KIF21B: variants seen among roughly 807,000 people sequenced by gnomAD.
The protein encoded by KIF21B is kinesin-like protein KIF21B.
Under a neutral mutation model 192.9 loss-of-function variants are expected in KIF21B, and 85 were observed. That is an observed-to-expected ratio of 0.44 (90% CI 0.37 to 0.53). The LOEUF (loss-of-function observed/expected upper bound fraction) is 0.53. KIF21B is among the 20% of genes least tolerant of loss of function. The probability of loss-of-function intolerance (pLI) is 0.00; values close to 1 mark genes in which losing one functional copy is unlikely to be tolerated. For synonymous variants in KIF21B, 832 were observed against 884.6 expected, an observed-to-expected ratio of 0.94 and a Z score of 1.05; for missense variants, 1,716 against 2,194.8, an observed-to-expected ratio of 0.78 and a Z score of 4.36.
At chr1:200,986,692 G>T in intron 26 of KIF21B, 152 bp downstream of exon 26, 1 of 664,388 alleles carries the variant, frequency 1.5e-6, no homozygotes. Flanking sequence ...GGGTGGGGAA[G>T]GGACCACTGG....
intron 34 of KIF21B, 166 bp from the exon 35 acceptor site, chr1:200,973,744 G>C (rs1655351658): frequency 6.8e-7 from 1 of 1,472,496 alleles, no homozygotes; most frequent in Non-Finnish European, 8.9e-7. Context: ...GTGGTGGGGT[G>C]CTGGGCAGAT....
At position 201,004,841 on chromosome 1, in the gene KIF21B, G is replaced by A. The variant is rs150186453; in HGVS notation, c.825C>T (p.Ala275=). Residue 275 remains alanine (A), a synonymous_variant, in exon 6 of 35, where the codon GCC becomes GCT. Transcript: ENST00000461742. ...CTGTCCGCTTCAGCCGCTCTGAGCCGGCCAGGTCCACAAAGTGAAACTTAG... is the reference window on the plus strand; with the variant it reads ...CTGTCCGCTTCAGCCGCTCTGAGCCAGCCAGGTCCACAAAGTGAAACTTAG... ...LTAKFHFVDL[A]GSERLKRTGA... is the part of the protein sequence containing the mutation. 51 of 1,613,952 alleles carry A rather than the reference G, an allele frequency of 3.2e-5. No individual in the cohort carries two copies. Among genetic ancestry groups the A allele is most frequent in the Middle Eastern group, 1.6e-4 (1 of 6,072 alleles).
rs766022751 is a variant in KIF21B at position 200,986,909 on chromosome 1, T to C, written c.3624A>G (p.Gln1208=). The C allele has an allele frequency of 2.5e-6, 4 of 1,613,870 alleles. No individual in the cohort carries two copies. Among genetic ancestry groups the C allele is most frequent in the Non-Finnish European group, 2.5e-6 (3 of 1,179,858 alleles). The change falls in exon 26 of 35, where the codon CAA becomes CAG. Residue 1208 remains glutamine (Q), a synonymous_variant. Coordinates refer to ENST00000461742, the MANE Select transcript of KIF21B (RefSeq NM_001252102.2). The part of the protein sequence containing the change: ...LPTRGSTFPR[Q]SRATETSPLT... Reference sequence around the variant, plus strand: ...GCGGGGACGTCTCTGTGGCTCGAGATTGCCTAGGGCTACAACAGAAGAGTC... The same window carrying C: ...GCGGGGACGTCTCTGTGGCTCGAGACTGCCTAGGGCTACAACAGAAGAGTC...
chr1:201,002,405 G>A, intron 8 of KIF21B, 55 bp from the exon 9 acceptor site: 3 of 1,527,650 alleles, frequency 2.0e-6, no homozygotes, highest in Non-Finnish European at 2.7e-6. Context: ...GGTTGGGGGG[G>A]TAAGGGGCTG....
rs1655157877 is a variant in KIF21B at position 200,970,455 on chromosome 1, C to T, written c.*3066G>A. 6.6e-6 allele frequency: 1 copy of T among 152,556 alleles called. No homozygotes were observed. Among genetic ancestry groups the T allele is most frequent in the South Asian group, 2.1e-4 (1 of 4,838 alleles). The allele number at this position is 152,556 out of a possible 1,614,324, so 9.5% of individuals were successfully genotyped here. A position where few individuals can be genotyped will look rare whatever the true frequency, so the allele number is the denominator to read the frequency against. On this transcript the variant is annotated 3_prime_UTR_variant, in exon 35 of 35. Coordinates refer to ENST00000461742, the MANE Select transcript of KIF21B (RefSeq NM_001252102.2). ...ACCTCAAAGGCTTGGGTGTGCCAGGCTCCGCCTGTTAATCTTTCCTCCTTC... is the reference window on the plus strand; with the variant it reads ...ACCTCAAAGGCTTGGGTGTGCCAGGTTCCGCCTGTTAATCTTTCCTCCTTC...
intron 30 of KIF21B, among the ~76,000 whole-genome samples, 171 bp downstream of exon 30, chr1:200,979,364 A>G (rs1307959483): frequency 6.6e-6 from 1 of 152,200 alleles, no homozygotes. Flanking sequence ...TCCCAAACCA[A>G]GAGATCTCAC....
intron 15 of KIF21B, among the ~76,000 whole-genome samples, chr1:200,994,523 C>T (rs1364277518): frequency 1.3e-5 from 2 of 152,236 alleles, no homozygotes; most frequent in East Asian, 3.8e-4. Context: ...CAGAGCCAGG[C>T]ACGTGGCTGA....
At chr1:201,008,225 C>T (rs765284425) in intron 3 of KIF21B, among the ~76,000 whole-genome samples, 2 of 152,172 alleles carry the variant, frequency 1.3e-5, no homozygotes, top group Non-Finnish European at 2.9e-5. Context: ...CAGTCTGGGC[C>T]TGATATTCTC....
chr1:200,972,635 G>T lies in KIF21B; in HGVS notation c.*886C>A. On this transcript the variant is annotated 3_prime_UTR_variant, in exon 35 of 35. Coordinates refer to ENST00000461742, the MANE Select transcript of KIF21B (RefSeq NM_001252102.2). ...GGCACTGAGCGTCAGGCGGCCTAGA[G>T]GCCAGGGGTAGCTAGAAGACTCCCT... The T allele has an allele frequency of 6.5e-6, 1 of 153,006 alleles. No individual in the cohort carries two copies. The allele number at this position is 153,006 out of a possible 1,614,324, so 9.5% of individuals were successfully genotyped here.
intron 30 of KIF21B, among the ~76,000 whole-genome samples, chr1:200,977,926 GT>G (rs1259447851): frequency 6.6e-6 from 1 of 151,806 alleles, no homozygotes; most frequent in Admixed American, 6.6e-5. Context: ...TAGAGACGGG[GT>G]TTCTTCATAT....
intron 1 of KIF21B, among the ~76,000 whole-genome samples, chr1:201,015,139 TC>T (rs1414126710): frequency 6.6e-6 from 1 of 152,190 alleles, no homozygotes; most frequent in Non-Finnish European, 1.5e-5. Flanking sequence ...AACCGATAAC[TC>T]GGCTCAAGGT....
In KIF21B at chr1:201,000,300, C is replaced by T. The variant is rs766160802; in HGVS notation, c.1685+90G>A. On this transcript the variant is annotated intron_variant, in intron 11 of 34. Transcript: ENST00000461742. This position sits in a 1 kb window ranked among gnomAD's most constrained non-coding sequence, Gnocchi z 6.0. The stretch of plus-strand genomic sequence containing the variant: ...GGGGGCGTGGAGGTTCCCTCCTAAA[C>T]ACTGGTGGGCAGCAGTCCTCCTTGG... 31 of 1,303,122 alleles carry T rather than the reference C, an allele frequency of 2.4e-5. No homozygotes were observed. Among genetic ancestry groups the T allele is most frequent in the Non-Finnish European group, 2.9e-5 (28 of 953,748 alleles). The allele number at this position is 1,303,122 out of a possible 1,614,324, so 80.7% of individuals were successfully genotyped here.
chr1:200,983,092 G>T lies in KIF21B; in HGVS notation c.3806C>A (p.Ser1269Tyr). ...CGACAAAGAGGAGTCGCTGTCATCA[G>T]ACCTGGGGAGGGCAGAAAATTAGCT... ...NQSQGSALDK[S>Y]DDSDSSLSEV... Residue 1269 changes from serine (S) to tyrosine (Y), a missense_variant and splice_region_variant, in exon 28 of 35, where the codon TCT becomes TAT. Transcript: ENST00000461742. 6.5e-7 allele frequency: 1 copy of T among 1,536,126 alleles called. No individual in the cohort carries two copies. The highest frequency in any genetic ancestry group is 8.7e-7 in the Non-Finnish European group (1 of 1,146,858).
rs144609175 is a variant in KIF21B at position 200,987,079 on chromosome 1, G to C, written c.3531C>G (p.Asp1177Glu). The C allele has an allele frequency of 2.5e-6, 4 of 1,613,852 alleles. No individual in the cohort carries two copies. In the African/African-American group the frequency reaches 5.3e-5, roughly 22 times the overall value. The change falls in exon 25 of 35, where the codon GAC becomes GAG. Residue 1177 changes from aspartate (D) to glutamate (E), a missense_variant. Physicochemically the swap from Asp to Glu is conservative, Grantham distance 45. Around this residue, in one of 3 missense-constraint regions of KIF21B, gnomAD observed 580 missense variants for 775.5 expected, o/e 0.75. Transcript: ENST00000461742. ...SLASLVEIKE[D>E]GVGFSVRDPY... Reference sequence around the variant, plus strand: ...GGTCTCGGACAGAGAAGCCCACTCCGTCCTCTTTGATCTCAACGAGGGAGG... The same window carrying C: ...GGTCTCGGACAGAGAAGCCCACTCCCTCCTCTTTGATCTCAACGAGGGAGG...
Position 200,974,856 on chromosome 1 carries a change from G to A in KIF21B, c.4672C>T (p.Pro1558Ser). The stretch of plus-strand genomic sequence containing the variant: ...GCACGGCAGGCGCTGAGCAGCATGG[G>A]GCGGCCCGGGATGAAGGCCAGGGCG... ...VCALAFIPGR[P>S]MLLSACRAGV... Residue 1558 changes from proline to serine, a missense_variant, in exon 34 of 35, where the codon CCC becomes TCC. Pro to Ser is a moderately conservative substitution (Grantham distance 74). Coordinates refer to ENST00000461742, the MANE Select transcript of KIF21B (RefSeq NM_001252102.2). The A allele has an allele frequency of 4.1e-5, 66 of 1,614,218 alleles. No individual in the cohort carries two copies. Among genetic ancestry groups the A allele is most frequent in the Non-Finnish European group, 5.6e-5 (66 of 1,180,032 alleles).
Position 200,992,339 on chromosome 1 carries a change from C to T in KIF21B, c.2328G>A (p.Val776=), listed in dbSNP as rs1165564714. 1 of 1,613,250 alleles carries T rather than the reference C, an allele frequency of 6.2e-7. No homozygotes were observed. The highest frequency in any genetic ancestry group is 2.2e-5 in the East Asian group (1 of 44,892). The change falls in exon 16 of 35, where the codon GTG becomes GTA. Residue 776 remains valine (V), a synonymous_variant. Transcript: ENST00000461742. ...MREEQQRRRL[V]ETKRNREIAQ... ...CGATCTCCCGGTTCCTCTTGGTCTC[C>T]ACTAGCCGCCGCCGCTGTTGCTCCT... is the stretch of plus-strand genomic sequence containing the variant.
At chr1:200,992,573 C>T (rs750971460) in intron 15 of KIF21B, among the ~76,000 whole-genome samples, 184 bp from the exon 16 acceptor site, 2 of 152,236 alleles carry the variant, frequency 1.3e-5, no homozygotes, top group South Asian at 2.1e-4. Flanking sequence ...GAGCTTAAGC[C>T]GCCTGGGCAA....
At chr1:200,974,207 A>AGAG in intron 34 of KIF21B, 2 of 1,540,004 alleles carry the variant, frequency 1.3e-6, no homozygotes, top group Non-Finnish European at 1.7e-6. Context: ...GTGTGGGGAG[A>AGAG]GAGGCGAGGA....
In KIF21B at chr1:201,002,303, C is replaced by G; in HGVS notation, c.1260G>C (p.Leu420=). ...GEDGAEGYSD[L]FRENAMLQKE... ...TCTGTAGCATGGCATTCTCTCGGAACAGATCACTATAGCCCTCAGCGCCAT... is the reference window on the plus strand; with the variant it reads ...TCTGTAGCATGGCATTCTCTCGGAAGAGATCACTATAGCCCTCAGCGCCAT... Residue 420 remains leucine, a synonymous_variant, in exon 9 of 35, where the codon CTG becomes CTC. Transcript: ENST00000461742. The G allele has an allele frequency of 6.2e-7, 1 of 1,614,240 alleles. No individual in the cohort carries two copies. The highest frequency in any genetic ancestry group is 8.5e-7 in the Non-Finnish European group (1 of 1,180,048).
Sources: allele counts gnomAD v4.1 joint callset (sites outside exome capture counted in the v4.1 genomes callset), GRCh38; gene constraint gnomAD v4.1.1; regional missense constraint gnomAD v4.1.1; non-coding constraint Gnocchi (gnomAD v3.1); transcripts MANE v1.5; gene names NCBI Gene and HGNC (gene_info 2026-07-23, HGNC 2026-07-21).